Variants in SNX18 observed in about 807,000 individuals in gnomAD.
The protein encoded by SNX18 is sorting nexin 18.
A neutral mutation model predicts 48.7 loss-of-function variants in SNX18; 35 were observed. The ratio of observed to expected loss-of-function variants is 0.72; its 90% CI spans 0.55 to 0.95. SNX18 has a LOEUF of 0.95. Among genes scored for constraint, SNX18 ranks in the 40% least tolerant of loss-of-function variants. SNX18 has a pLI of 0.00. For synonymous variants in SNX18, 492 were observed against 384.7 expected (o/e 1.28, Z -3.26); for missense variants, 824 against 871.0 (o/e 0.95, Z 0.68).
chr5:54,626,400 TC>T, the SNX18 span, among the ~76,000 whole-genome samples: 6 of 152,152 alleles, frequency 3.9e-5, no homozygotes, highest in African/African-American at 1.4e-4. Context: ...CAAGTGGTCC[TC>T]CCACCTTGGC....
chr5:54,542,173 C>T (rs1464272515), intron 1 of SNX18, among the ~76,000 whole-genome samples: 1 of 152,206 alleles, frequency 6.6e-6, no homozygotes, highest in African/African-American at 2.4e-5. Flanking sequence ...TTCCTAAGAA[C>T]TCAGGAATAG....
chr5:54,579,803 G>A, the SNX18 span, among the ~76,000 whole-genome samples: 1 of 152,176 alleles, frequency 6.6e-6, no homozygotes. Context: ...AGGAGGGTGG[G>A]GCTGGCCTTA....
chr5:54,632,919 C>A, the SNX18 span, among the ~76,000 whole-genome samples: 57 of 152,126 alleles, frequency 3.7e-4, no homozygotes, highest in Non-Finnish European at 7.2e-4. Context: ...GGATTACAGG[C>A]AACCGCCACC....
At chr5:54,585,865 C>A in the SNX18 span, among the ~76,000 whole-genome samples, 8 of 151,984 alleles carry the variant, frequency 5.3e-5, no homozygotes, top group African/African-American at 1.7e-4. Flanking sequence ...AATAGCTGTA[C>A]ATGGTGGCGG....
chr5:54,566,096 C>G, the SNX18 span, among the ~76,000 whole-genome samples: 1 of 152,172 alleles, frequency 6.6e-6, no homozygotes. Context: ...ATTAACCAAA[C>G]TCAGGTGGTC....
the SNX18 span, among the ~76,000 whole-genome samples, chr5:54,563,438 A>G: frequency 6.6e-6 from 1 of 152,226 alleles, no homozygotes. Flanking sequence ...AGTTGCCTAC[A>G]GTATTCAGTA....
the SNX18 span, among the ~76,000 whole-genome samples, chr5:54,600,342 G>T: frequency 2.0e-5 from 3 of 152,184 alleles, no homozygotes; most frequent in African/African-American, 7.2e-5. Context: ...ATGCTGGCAA[G>T]GTTGCAGAGA....
At chr5:54,575,368 C>CTTTTTTTT in the SNX18 span, among the ~76,000 whole-genome samples, 1 of 111,742 alleles carries the variant, frequency 8.9e-6, no homozygotes, top group Non-Finnish European at 1.8e-5. Flanking sequence ...CTCCCCACTG[C>CTTTTTTTT]TTTTTTTTTT....
the SNX18 span, among the ~76,000 whole-genome samples, chr5:54,582,244 CTTG>C: frequency 7.2e-5 from 11 of 152,122 alleles, no homozygotes; most frequent in Non-Finnish European, 1.6e-4. Context: ...CACCAGGCAT[CTTG>C]TTCCTTTTTC....
chr5:54,533,577 G>T (rs1762290885), intron 1 of SNX18, among the ~76,000 whole-genome samples: 1 of 152,222 alleles, frequency 6.6e-6, no homozygotes, highest in African/African-American at 2.4e-5. Context: ...GCAGACCCAG[G>T]TTCACATGCA....
chr5:54,619,318 C>T, the SNX18 span, among the ~76,000 whole-genome samples: 1 of 152,074 alleles, frequency 6.6e-6, no homozygotes, highest in Non-Finnish European at 1.5e-5. Flanking sequence ...TGAGACCTGC[C>T]TGGGCAACAT....
At chr5:54,588,306 C>CTTTATTT in the SNX18 span, among the ~76,000 whole-genome samples, 25 of 73,918 alleles carry the variant, frequency 3.4e-4, 2 homozygotes, top group Admixed American at 5.6e-4. Context: ...TATTTCTATT[C>CTTTATTT]TTTTTTTTTT....
At chr5:54,573,064 T>C in the SNX18 span, among the ~76,000 whole-genome samples, 1 of 151,958 alleles carries the variant, frequency 6.6e-6, no homozygotes, top group African/African-American at 2.4e-5. Context: ...ACACCCAGAC[T>C]TGGGAGAGTC....
the SNX18 span, among the ~76,000 whole-genome samples, chr5:54,585,413 G>T: frequency 1.7e-5 from 2 of 114,412 alleles, no homozygotes; most frequent in Non-Finnish European, 3.3e-5. Context: ...AGAATCCATG[G>T]TTATACTTAT....
chr5:54,580,730 T>C, the SNX18 span, among the ~76,000 whole-genome samples: 1 of 152,194 alleles, frequency 6.6e-6, no homozygotes, highest in East Asian at 1.9e-4. Flanking sequence ...TACCCATCTG[T>C]CCAAGACAAT....
the SNX18 span, among the ~76,000 whole-genome samples, chr5:54,571,747 G>A: frequency 6.6e-6 from 1 of 152,228 alleles, no homozygotes; most frequent in African/African-American, 2.4e-5. Flanking sequence ...GCCTGGAAGG[G>A]CAGGGCTTTT....
the SNX18 span, among the ~76,000 whole-genome samples, chr5:54,584,907 C>T: frequency 2.0e-5 from 3 of 152,182 alleles, no homozygotes; most frequent in Non-Finnish European, 4.4e-5. Context: ...GACAGACAGG[C>T]CATGCTGGTT....
At chr5:54,631,674 A>G in the SNX18 span, among the ~76,000 whole-genome samples, 2 of 152,242 alleles carry the variant, frequency 1.3e-5, no homozygotes, top group Non-Finnish European at 2.9e-5. Flanking sequence ...AAACATCTCA[A>G]TAAACCAGGT....
At chr5:54,599,082 C>A in the SNX18 span, among the ~76,000 whole-genome samples, 1 of 151,986 alleles carries the variant, frequency 6.6e-6, no homozygotes, top group African/African-American at 2.4e-5. Flanking sequence ...TCTTATACAC[C>A]AACAACAGGC....
Sources: gnomAD v4.1 joint callset for allele counts (sites outside exome capture counted in the v4.1 genomes callset) on GRCh38, gnomAD v4.1.1 for gene constraint, MANE v1.5 for transcripts, NCBI Gene and HGNC (gene_info 2026-07-23, HGNC 2026-07-21) for gene names.